FAM3B: variants seen among roughly 807,000 people sequenced by gnomAD.
FAM3B encodes protein FAM3B.
FAM3B carries 29 observed loss-of-function variants against 28.4 expected under a neutral mutation model. That is an observed-to-expected ratio of 1.02 (90% CI 0.76 to 1.39). The LOEUF is 1.39. Among genes scored for constraint, FAM3B ranks in the 40% most tolerant of loss-of-function variants. The pLI is 0.00. For synonymous variants in FAM3B, 91 were observed against 103.0 expected, an observed-to-expected ratio of 0.88 and a Z score of 0.71; for missense variants, 266 against 293.9, an observed-to-expected ratio of 0.91 and a Z score of 0.69.
intron 4 of FAM3B, among the ~76,000 whole-genome samples, chr21:41,344,830 C>T (rs2089041836): frequency 6.6e-6 from 1 of 152,188 alleles, no homozygotes; most frequent in Admixed American, 6.5e-5. Context: ...GGGGTGCAGC[C>T]TGTGGTCCTG....
chr21:41,305,031 G>C (rs116963551), intron 1 of FAM3B, among the ~76,000 whole-genome samples: 1 of 152,078 alleles, frequency 6.6e-6, no homozygotes, highest in Non-Finnish European at 1.5e-5. Context: ...TGTGACCTCC[G>C]CAACACGTTT....
chr21:41,308,999 G>A (rs2088696385), intron 1 of FAM3B, among the ~76,000 whole-genome samples: 2 of 152,132 alleles, frequency 1.3e-5, no homozygotes, highest in Non-Finnish European at 2.9e-5. Flanking sequence ...AGGAGGTATG[G>A]GATGTGTTAC....
rs554210975 is a variant in FAM3B at position 41,336,232 on chromosome 21, A to C, written c.164-2146A>C. On this transcript the variant is annotated intron_variant, in intron 2 of 7. Transcript: ENST00000357985. Reference sequence around the variant, plus strand: ...TGGATTTCCCAGCCTCTAGAAGTTTAAGAAATAGGCCAGGCATGGGGGCTC... The same window carrying C: ...TGGATTTCCCAGCCTCTAGAAGTTTCAGAAATAGGCCAGGCATGGGGGCTC... 2.0e-5 allele frequency among the ~76,000 whole-genome samples: 3 copies of C among 152,276 alleles called. No individual in the cohort carries two copies. The South Asian group carries it at 6.2e-4, about 32-fold the overall frequency.
intron 2 of FAM3B, among the ~76,000 whole-genome samples, chr21:41,327,331 T>C (rs2088862851): frequency 6.6e-6 from 1 of 152,244 alleles, no homozygotes; most frequent in Non-Finnish European, 1.5e-5. Context: ...AAGGTTTAAC[T>C]TTGAATTTAG....
At chr21:41,354,926 T>C (rs2089153036) in intron 7 of FAM3B, among the ~76,000 whole-genome samples, 1 of 151,950 alleles carries the variant, frequency 6.6e-6, no homozygotes. Flanking sequence ...TATTTGCAAA[T>C]AAAGGACCTG....
chr21:41,354,657 C>T (rs982430385), intron 7 of FAM3B, among the ~76,000 whole-genome samples: 6 of 151,956 alleles, frequency 3.9e-5, no homozygotes, highest in African/African-American at 1.5e-4. Flanking sequence ...TAGAGGGGAA[C>T]AACACACAAT....
At chr21:41,307,275 A>G (rs1453906751) in intron 1 of FAM3B, among the ~76,000 whole-genome samples, 1 of 152,222 alleles carries the variant, frequency 6.6e-6, no homozygotes, top group African/African-American at 2.4e-5. Flanking sequence ...TTTCTTCTGC[A>G]GCTTCCACAC....
chr21:41,318,541 T>A (rs1240113423), intron 1 of FAM3B, among the ~76,000 whole-genome samples: 2 of 152,142 alleles, frequency 1.3e-5, no homozygotes, highest in Non-Finnish European at 2.9e-5. Flanking sequence ...CACAGGACAG[T>A]GATGACAGTG....
chr21:41,311,704 G>T (rs955564899), intron 1 of FAM3B, among the ~76,000 whole-genome samples: 1 of 152,130 alleles, frequency 6.6e-6, no homozygotes. Flanking sequence ...GTTGAAATAT[G>T]TTGTTTTCGT....
chr21:41,319,732 C>T (rs2088784365), intron 1 of FAM3B: 2 of 152,466 alleles, frequency 1.3e-5, no homozygotes, highest in South Asian at 2.1e-4. Flanking sequence ...CAGGACTGAG[C>T]TCTGATTGCT....
intron 1 of FAM3B, among the ~76,000 whole-genome samples, chr21:41,318,750 A>C (rs911632007): frequency 1.1e-4 from 16 of 152,344 alleles, no homozygotes; most frequent in African/African-American, 2.9e-4. Flanking sequence ...AAATCCCGTC[A>C]ATAGACCTGG....
intron 3 of FAM3B, 66 bp from the exon 4 acceptor site, chr21:41,344,410 A>G: frequency 6.8e-7 from 1 of 1,472,366 alleles, no homozygotes; most frequent in South Asian, 1.1e-5. Context: ...GGTCAGGCGA[A>G]GACTTCGCGG....
upstream of FAM3B, among the ~76,000 whole-genome samples, chr21:41,315,829 A>T (rs11700921): frequency 6.6e-6 from 1 of 152,282 alleles, no homozygotes; most frequent in East Asian, 1.9e-4. Flanking sequence ...GGCCAAGCCC[A>T]CCAGGGTGAC....
intron 2 of FAM3B, among the ~76,000 whole-genome samples, chr21:41,331,481 C>A (rs917210207): frequency 2.6e-5 from 4 of 152,084 alleles, no homozygotes; most frequent in Non-Finnish European, 2.9e-5. Context: ...GTTGCCTGTG[C>A]TTTTAGGGCA....
intron 7 of FAM3B, among the ~76,000 whole-genome samples, chr21:41,350,025 T>C (rs969674075): frequency 2.0e-5 from 3 of 152,164 alleles, no homozygotes; most frequent in East Asian, 1.9e-4. Flanking sequence ...GAGCTCTGAT[T>C]GGTGGGGCTC....
In FAM3B at chr21:41,322,974, C is replaced by G; in HGVS notation, c.71C>G (p.Ser24Trp). ...TTCGCCTCCTTGTGTGCCTGGTATT[C>G]GGGGTACCTGCTCGCAGAGCTCATT... ...VVFASLCAWY[S>W]GYLLAELIPD... is the part of the protein sequence containing the mutation. The change falls in exon 2 of 8, where the codon TCG (serine) becomes TGG (tryptophan). Residue 24 changes from serine to tryptophan, a missense_variant. Physicochemically the swap from Ser to Trp is radical, Grantham distance 177. Coordinates refer to ENST00000357985, the MANE Select transcript of FAM3B (RefSeq NM_058186.4). 1 of 1,612,916 alleles carries G rather than the reference C, an allele frequency of 6.2e-7. No homozygotes were observed. The highest frequency in any genetic ancestry group is 8.5e-7 in the Non-Finnish European group (1 of 1,180,038).
intron 3 of FAM3B, among the ~76,000 whole-genome samples, chr21:41,340,593 A>G (rs530572686): frequency 1.2e-4 from 18 of 152,240 alleles, no homozygotes; most frequent in Non-Finnish European, 2.4e-4. Flanking sequence ...GAGAGGTAAC[A>G]AACATTCAAC....
upstream of FAM3B, among the ~76,000 whole-genome samples, chr21:41,312,670 A>T (rs1180904421): frequency 6.6e-6 from 1 of 152,158 alleles, no homozygotes; most frequent in South Asian, 2.1e-4. Context: ...AGACCTGAAC[A>T]TGTAAGTTAT....
upstream of FAM3B, among the ~76,000 whole-genome samples, chr21:41,314,680 A>G (rs982472269): frequency 6.6e-6 from 1 of 152,160 alleles, no homozygotes; most frequent in African/African-American, 2.4e-5. Flanking sequence ...GTGAAAAGAT[A>G]CTCAACACTA....
Sources: gnomAD v4.1 joint callset for allele counts (sites outside exome capture counted in the v4.1 genomes callset) on GRCh38, gnomAD v4.1.1 for gene constraint, MANE v1.5 for transcripts, NCBI Gene and HGNC (gene_info 2026-07-23, HGNC 2026-07-21) for gene names.